The following AFG1L variants were observed in gnomAD, a reference collection of about 807,000 sequenced individuals.
AFG1L encodes AFG1 like ATPase.
Under a neutral mutation model 62.2 loss-of-function variants are expected in AFG1L, and 53 were observed. The observed-to-expected ratio is 0.85, with a 90% CI of 0.68 to 1.07. The LOEUF (loss-of-function observed/expected upper bound fraction) is 1.07. Ranked by LOEUF, AFG1L falls within the 50% of genes least tolerant of loss-of-function variation. The pLI is 0.00. For missense variants in AFG1L, 555 were observed against 590.5 expected, an observed-to-expected ratio of 0.94 and a Z score of 0.62; for synonymous variants, 228 against 210.3, an observed-to-expected ratio of 1.08 and a Z score of -0.73.
At chr6:108,311,511 G>C (rs1380127467) in intron 1 of AFG1L, among the ~76,000 whole-genome samples, 1 of 151,766 alleles carries the variant, frequency 6.6e-6, no homozygotes, top group East Asian at 1.9e-4. Flanking sequence ...TTCTTTTTTT[G>C]CTTGTTTGTT....
At chr6:108,462,514 T>C (rs536898023) in intron 8 of AFG1L, among the ~76,000 whole-genome samples, 2 of 152,222 alleles carry the variant, frequency 1.3e-5, no homozygotes, top group East Asian at 3.8e-4. Flanking sequence ...CAAAAACTAC[T>C]GAACTAGAAA....
chr6:108,346,901 G>A (rs1390801905), intron 2 of AFG1L, 87 bp from the exon 3 acceptor site: 1 of 987,956 alleles, frequency 1.0e-6, no homozygotes, highest in African/African-American at 1.6e-5. Flanking sequence ...TCTTGGTTCT[G>A]TATATAGGAC....
chr6:108,389,470 C>G (rs1780946412), intron 6 of AFG1L, among the ~76,000 whole-genome samples: 4 of 152,140 alleles, frequency 2.6e-5, no homozygotes, highest in African/African-American at 7.2e-5. Flanking sequence ...TTCTTCCTAG[C>G]CTCGATGGTC....
At chr6:108,478,217 C>T (rs1773194823) in intron 10 of AFG1L, among the ~76,000 whole-genome samples, 1 of 152,154 alleles carries the variant, frequency 6.6e-6, no homozygotes, top group African/African-American at 2.4e-5. Context: ...GCGGGTGGAT[C>T]ATGAGGTCAG....
intron 6 of AFG1L, among the ~76,000 whole-genome samples, chr6:108,368,824 G>C (rs185647010): frequency 1.3e-5 from 2 of 152,296 alleles, no homozygotes; most frequent in East Asian, 3.9e-4. Context: ...CACCAGGAGG[G>C]ATTAAGGAAT....
At chr6:108,406,148 A>C (rs1426731223) in intron 7 of AFG1L, among the ~76,000 whole-genome samples, 4 of 152,192 alleles carry the variant, frequency 2.6e-5, no homozygotes, top group Non-Finnish European at 5.9e-5. Context: ...GTACATACCC[A>C]GAACTTAAAT....
intron 10 of AFG1L, among the ~76,000 whole-genome samples, chr6:108,488,605 C>T (rs1381339544): frequency 6.6e-6 from 1 of 151,904 alleles, no homozygotes; most frequent in African/African-American, 2.4e-5. Context: ...GTAATCCTAG[C>T]ACTTTGGGAG....
rs1776716728 is a variant in AFG1L at position 108,295,195 on chromosome 6, C to T, written c.116C>T (p.Ala39Val). The T allele has an allele frequency of 6.2e-7, 1 of 1,605,494 alleles. No homozygotes were observed. The highest frequency in any genetic ancestry group is 8.5e-7 in the Non-Finnish European group (1 of 1,179,790). ...GCCGCTCTCGCTCCTCTGGCCACCG[C>T]CCCTGGGAAGCCCTTTTGGAAAGGT... ...WAAALAPLAT[A>V]PGKPFWKAYT... Residue 39 changes from alanine to valine, a missense_variant, in exon 1 of 13, where the codon GCC becomes GTC. Ala to Val is a moderately conservative substitution (Grantham distance 64). Transcript: ENST00000368977.
chr6:108,438,620 T>G (rs1771411102), intron 7 of AFG1L, among the ~76,000 whole-genome samples: 1 of 152,180 alleles, frequency 6.6e-6, no homozygotes, highest in Non-Finnish European at 1.5e-5. Flanking sequence ...AAATATTGCC[T>G]TGCCCTGTAG....
intron 2 of AFG1L, among the ~76,000 whole-genome samples, chr6:108,342,092 G>T (rs1279399132): frequency 6.6e-6 from 1 of 152,176 alleles, no homozygotes; most frequent in Non-Finnish European, 1.5e-5. Context: ...TGGCCTGAGG[G>T]ATGGGTCGCT....
At chr6:108,324,414 A>G (rs987570805) in intron 2 of AFG1L, among the ~76,000 whole-genome samples, 1 of 152,156 alleles carries the variant, frequency 6.6e-6, no homozygotes, top group African/African-American at 2.4e-5. Context: ...TTTGCCTGAC[A>G]TCTCTAGGGT....
chr6:108,349,483 T>C (rs955842684), intron 3 of AFG1L, among the ~76,000 whole-genome samples: 13 of 151,938 alleles, frequency 8.6e-5, no homozygotes, highest in African/African-American at 2.9e-4. Context: ...GACCCCCATC[T>C]CAAAAATGAA....
chr6:108,464,758 A>G (rs1772599678), intron 8 of AFG1L, among the ~76,000 whole-genome samples: 1 of 150,170 alleles, frequency 6.7e-6, no homozygotes, highest in Non-Finnish European at 1.5e-5. Flanking sequence ...CTACCTCCCA[A>G]CCCCCTCCCC....
chr6:108,459,463 T>A (rs2114776572), intron 8 of AFG1L, among the ~76,000 whole-genome samples: 1 of 152,326 alleles, frequency 6.6e-6, no homozygotes, highest in South Asian at 2.1e-4. Flanking sequence ...GTTTCATATA[T>A]TTTAGATTGT....
At chr6:108,422,886 A>G (rs942650465) in intron 7 of AFG1L, among the ~76,000 whole-genome samples, 5 of 152,044 alleles carry the variant, frequency 3.3e-5, no homozygotes, top group East Asian at 1.9e-4. Flanking sequence ...TCAAGCCACA[A>G]TGCTCTGAGA....
intron 8 of AFG1L, among the ~76,000 whole-genome samples, chr6:108,448,985 C>T (rs1212559718): frequency 2.0e-5 from 3 of 151,544 alleles, no homozygotes; most frequent in Non-Finnish European, 4.4e-5. Context: ...CCTGTCTCTA[C>T]AAAAAATTTA....
chr6:108,505,134 A>G (rs1774350897), intron 10 of AFG1L, among the ~76,000 whole-genome samples: 2 of 137,104 alleles, frequency 1.5e-5, no homozygotes, highest in South Asian at 4.5e-4. Flanking sequence ...TCACACTGTC[A>G]CCCAGGCTGG....
chr6:108,373,770 G>A lies in AFG1L; in HGVS notation c.748+7438G>A, dbSNP rs566886598. On this transcript the variant is annotated intron_variant, in intron 6 of 12. Transcript: ENST00000368977. ...TTTTGTAGTTTTAGTAGAAGATGGGGTTTCACCATATTGGCCAGACTGGTC... is the reference window on the plus strand; with the variant it reads ...TTTTGTAGTTTTAGTAGAAGATGGGATTTCACCATATTGGCCAGACTGGTC... Among the ~76,000 whole-genome samples, 7 of 151,864 alleles carry A rather than the reference G, an allele frequency of 4.6e-5. No individual in the cohort carries two copies. The South Asian group carries it at 1.5e-3, about 31-fold the overall frequency.
At chr6:108,447,139 G>T (rs1317996238) in intron 7 of AFG1L, 75 bp from the exon 8 acceptor site, 1 of 645,762 alleles carries the variant, frequency 1.5e-6, no homozygotes, top group East Asian at 2.8e-5. Context: ...TTTTAAAAAT[G>T]TATAGTATAA....
Sources: allele counts gnomAD v4.1 joint callset (sites outside exome capture counted in the v4.1 genomes callset), GRCh38; gene constraint gnomAD v4.1.1; transcripts MANE v1.5; gene names NCBI Gene and HGNC (gene_info 2026-07-23, HGNC 2026-07-21).